CYTIP: variants seen among roughly 807,000 people sequenced by gnomAD.
CYTIP encodes the protein cytohesin 1 interacting protein, also known as cytohesin-interacting protein.
CYTIP carries 26 observed loss-of-function variants against 43.8 expected under a neutral mutation model. That is an observed-to-expected ratio of 0.59 (90% CI 0.44 to 0.82). The LOEUF is 0.82. Among genes scored for constraint, CYTIP ranks in the 40% least tolerant of loss-of-function variants. The pLI is 0.00. For missense variants in CYTIP, 426 were observed against 443.1 expected (o/e 0.96, Z 0.35); for synonymous variants, 162 against 162.9 (o/e 0.99, Z 0.04).
intron 3 of CYTIP, among the ~76,000 whole-genome samples, chr2:157,432,161 T>C (rs1361266300): frequency 6.6e-6 from 1 of 152,186 alleles, no homozygotes. Flanking sequence ...GAAACCACTG[T>C]TCTAACAATT....
intron 3 of CYTIP, 89 bp from the exon 4 acceptor site, chr2:157,431,051 C>T: frequency 9.6e-7 from 1 of 1,039,172 alleles, no homozygotes; most frequent in Non-Finnish European, 1.4e-6. Context: ...TATCATTAAG[C>T]AGTATAATAG....
intron 6 of CYTIP, among the ~76,000 whole-genome samples, chr2:157,425,570 A>T (rs1351771486): frequency 6.6e-6 from 1 of 152,152 alleles, no homozygotes; most frequent in Non-Finnish European, 1.5e-5. Flanking sequence ...TACATTGGTA[A>T]GTATGTACAT....
At chr2:157,437,460 G>A (rs149365222) in intron 1 of CYTIP, among the ~76,000 whole-genome samples, 1 of 152,186 alleles carries the variant, frequency 6.6e-6, no homozygotes, top group East Asian at 1.9e-4. Context: ...CAGCACTTTG[G>A]GAGGCCAAGG....
At position 157,430,844 on chromosome 2, in the gene CYTIP, C is replaced by CA. The variant is rs778844250; in HGVS notation, c.382+15dup. On this transcript the variant is annotated intron_variant, in intron 4 of 7. Transcript: ENST00000264192. ...CCATTTAAATGATTCCTAACATGAG[C>CA]AAAAATTTAAGTTACCAGCTTGCAG... is the stretch of plus-strand genomic sequence containing the variant. 6.3e-7 allele frequency: 1 copy of CA among 1,594,240 alleles called. No individual in the cohort carries two copies. Among genetic ancestry groups the CA allele is most frequent in the South Asian group, 1.1e-5 (1 of 87,818 alleles).
chr2:157,430,612 A>G lies in CYTIP; in HGVS notation c.423T>C (p.Gly141=). 6.2e-7 allele frequency: 1 copy of G among 1,614,140 alleles called. No homozygotes were observed. The highest frequency in any genetic ancestry group is 1.7e-5 in the Admixed American group (1 of 60,024). The change falls in exon 5 of 8, where the codon GGT becomes GGC. Residue 141 remains glycine (G), a synonymous_variant. Coordinates refer to ENST00000264192, the MANE Select transcript of CYTIP (RefSeq NM_004288.5). ...LANINGVSTE[G]FTYKQVVDLI... ...GGTCAACGACTTGTTTGTAGGTAAA[A>G]CCTTCTGTGCTCACACCATTGATAT...
intron 1 of CYTIP, among the ~76,000 whole-genome samples, chr2:157,440,277 T>C (rs1685885027): frequency 6.6e-6 from 1 of 152,134 alleles, no homozygotes; most frequent in Non-Finnish European, 1.5e-5. Flanking sequence ...TATTCAAAGA[T>C]GCAACAAAAT....
chr2:157,435,645 C>G (rs1685798915), intron 1 of CYTIP, among the ~76,000 whole-genome samples: 1 of 152,016 alleles, frequency 6.6e-6, no homozygotes, highest in Non-Finnish European at 1.5e-5. Flanking sequence ...TTTCTTTGTT[C>G]AGGAAATGTT....
At chr2:157,425,960 T>C (rs1351439463) in intron 6 of CYTIP, among the ~76,000 whole-genome samples, 1 of 151,794 alleles carries the variant, frequency 6.6e-6, no homozygotes, top group Non-Finnish European at 1.5e-5. Flanking sequence ...GTTTCAATAA[T>C]TGAGCTAAAG....
At chr2:157,435,588 T>G (rs1265233150) in intron 1 of CYTIP, among the ~76,000 whole-genome samples, 2 of 152,192 alleles carry the variant, frequency 1.3e-5, no homozygotes, top group Non-Finnish European at 2.9e-5. Flanking sequence ...GACAACTTAT[T>G]TTTTAGGAAA....
chr2:157,434,464 T>G, intron 2 of CYTIP, 40 bp from the exon 3 acceptor site: 1 of 1,457,594 alleles, frequency 6.9e-7, no homozygotes, highest in South Asian at 1.2e-5. Context: ...GCATGAAAAT[T>G]AAAGTATCAC....
chr2:157,433,243 G>A (rs1052390910), intron 3 of CYTIP, among the ~76,000 whole-genome samples: 1 of 152,154 alleles, frequency 6.6e-6, no homozygotes, highest in African/African-American at 2.4e-5. Context: ...GAGTAAGAGG[G>A]AGCACTATGC....
At position 157,417,707 on chromosome 2, in the gene CYTIP, A is replaced by C. The variant is rs181607583; in HGVS notation, c.613+816T>G. 3.5e-3 allele frequency among the ~76,000 whole-genome samples: 528 copies of C among 152,304 alleles called. 1 individual carries two copies. Among genetic ancestry groups the C allele is most frequent in the African/African-American group, 0.012 (507 of 41,566 alleles). ...CAAACACTTCAATTTAAAAAAAAAA[A>C]AACAGAAGTTCATACCAGAACTCTA... is the stretch of plus-strand genomic sequence containing the variant. On this transcript the variant is annotated intron_variant, in intron 7 of 7. Transcript: ENST00000264192.
rs1044323735 is a variant in CYTIP, at chr2:157,415,316, T to C, written c.*361A>G. ...ATAGAAAATAGTCCAGATTATTATA[T>C]TCTGCCACACCTTTATTCATACTTG... On this transcript the variant is annotated 3_prime_UTR_variant, in exon 8 of 8. Coordinates refer to ENST00000264192, the MANE Select transcript of CYTIP (RefSeq NM_004288.5). 1 of 183,758 alleles carries C rather than the reference T, an allele frequency of 5.4e-6. No individual in the cohort carries two copies. Among genetic ancestry groups the C allele is most frequent in the Non-Finnish European group, 1.2e-5 (1 of 86,108 alleles). The allele number at this position is 183,758 out of a possible 1,614,324, so 11.4% of individuals were successfully genotyped here.
At chr2:157,431,594 A>G (rs1020808377) in intron 3 of CYTIP, among the ~76,000 whole-genome samples, 1 of 152,212 alleles carries the variant, frequency 6.6e-6, no homozygotes, top group African/African-American at 2.4e-5. Context: ...AGGCACAAGT[A>G]GTTTGGTGGT....
intron 5 of CYTIP, among the ~76,000 whole-genome samples, chr2:157,429,013 C>T (rs1486222362): frequency 6.6e-6 from 1 of 152,166 alleles, no homozygotes; most frequent in African/African-American, 2.4e-5. Flanking sequence ...TAACTAAGCC[C>T]CCTCTAAGCT....
intron 1 of CYTIP, among the ~76,000 whole-genome samples, chr2:157,438,632 C>T (rs1685853549): frequency 1.3e-5 from 2 of 151,902 alleles, no homozygotes; most frequent in South Asian, 4.1e-4. Flanking sequence ...CAAAACATCA[C>T]TATGTATACC....
intron 6 of CYTIP, among the ~76,000 whole-genome samples, chr2:157,423,485 T>G (rs1352528120): frequency 1.6e-5 from 2 of 122,146 alleles, no homozygotes; most frequent in African/African-American, 5.2e-5. Context: ...CCAGAAATCC[T>G]GAGTAGTCTC....
intron 1 of CYTIP, 55 bp from the exon 2 acceptor site, chr2:157,434,802 A>T: frequency 8.6e-7 from 1 of 1,159,212 alleles, no homozygotes; most frequent in Non-Finnish European, 1.3e-6. Flanking sequence ...TACACTGTAA[A>T]ATGTTCTAAA....
In CYTIP at chr2:157,443,827, G is replaced by A. The variant is rs762004206; in HGVS notation, c.174+20C>T. ...CAAGAGAATGTGAACACTCTAAAGG[G>A]TACAAAATAGCAATCATACCTGCTT... On this transcript the variant is annotated intron_variant, in intron 1 of 7. Coordinates refer to ENST00000264192, the MANE Select transcript of CYTIP (RefSeq NM_004288.5). The A allele has an allele frequency of 6.8e-6, 11 of 1,613,022 alleles. No homozygotes were observed. The highest frequency in any genetic ancestry group is 2.2e-5 in the South Asian group (2 of 91,006).
Sources: gnomAD v4.1 joint callset for allele counts (sites outside exome capture counted in the v4.1 genomes callset) on GRCh38, gnomAD v4.1.1 for gene constraint, MANE v1.5 for transcripts, NCBI Gene and HGNC (gene_info 2026-07-23, HGNC 2026-07-21) for gene names.